Variants in PDE1A observed in about 807,000 individuals in gnomAD.
PDE1A encodes phosphodiesterase 1A.
Under a neutral mutation model 61.7 loss-of-function variants are expected in PDE1A, and 35 were observed. That is an observed-to-expected ratio of 0.57 (90% CI 0.43 to 0.75). PDE1A has a LOEUF of 0.75. PDE1A is among the 30% of genes least tolerant of loss of function. The pLI, the probability that PDE1A is intolerant of heterozygous loss-of-function variation, is 0.00. For missense variants in PDE1A, 597 were observed against 630.6 expected (o/e 0.95, Z 0.57); for synonymous variants, 232 against 213.2 (o/e 1.09, Z -0.77).
intron 1 of PDE1A, among the ~76,000 whole-genome samples, chr2:182,357,158 T>C (rs879677197): frequency 2.7e-5 from 4 of 150,906 alleles, no homozygotes; most frequent in Non-Finnish European, 4.4e-5. Context: ...TGTGCACATA[T>C]ACCCTAAAAC....
At chr2:182,454,023 T>C (rs1053336104) in intron 2 of PDE1A, among the ~76,000 whole-genome samples, 1 of 151,902 alleles carries the variant, frequency 6.6e-6, no homozygotes. Flanking sequence ...AAAACCCCAT[T>C]GTCTCAGCCC....
chr2:182,506,668 GA>G (rs1245132164), intron 2 of PDE1A, among the ~76,000 whole-genome samples: 1 of 152,170 alleles, frequency 6.6e-6, no homozygotes, highest in African/African-American at 2.4e-5. Context: ...TCAGATAACA[GA>G]AGAAATATGT....
At chr2:182,660,566 G>A in the PDE1A span, among the ~76,000 whole-genome samples, 4 of 152,194 alleles carry the variant, frequency 2.6e-5, no homozygotes, top group African/African-American at 9.7e-5. Context: ...TAGTTGTTCT[G>A]ACCTAATCAG....
chr2:182,314,479 AG>A (rs1559328413), intron 1 of PDE1A: 1 of 152,164 alleles, frequency 6.6e-6, no homozygotes, highest in Non-Finnish European at 1.5e-5. Context: ...GCTGATTAGC[AG>A]TAGGATTGCA....
At chr2:182,608,914 C>T in the PDE1A span, among the ~76,000 whole-genome samples, 1 of 152,216 alleles carries the variant, frequency 6.6e-6, no homozygotes, top group Non-Finnish European at 1.5e-5. Context: ...ATTGTAAATA[C>T]CCCAATCAGC....
chr2:182,552,994 G>A, the PDE1A span, among the ~76,000 whole-genome samples: 3 of 152,304 alleles, frequency 2.0e-5, no homozygotes, highest in Admixed American at 6.5e-5. Context: ...CTGATCCAGC[G>A]AGGGGCCCAT....
At chr2:182,377,533 C>T (rs74623406) in intron 1 of PDE1A, among the ~76,000 whole-genome samples, 2,548 of 152,206 alleles carry the variant, frequency 0.017, 41 homozygotes, top group Non-Finnish European at 0.025. Flanking sequence ...CAGACATTGT[C>T]AAGTGTTGAC....
upstream of PDE1A, chr2:182,522,750 G>A (rs577100452): frequency 3.3e-5 from 27 of 816,160 alleles, no homozygotes; most frequent in African/African-American, 4.6e-4. Flanking sequence ...TACAGTTTAC[G>A]AGCTCTATTA....
chr2:182,690,108 G>A, the PDE1A span, among the ~76,000 whole-genome samples: 6 of 152,114 alleles, frequency 3.9e-5, no homozygotes, highest in African/African-American at 1.4e-4. Context: ...GGTATAAGGA[G>A]GAGCTGGTAC....
intron 1 of PDE1A, among the ~76,000 whole-genome samples, chr2:182,316,760 G>A (rs867893294): frequency 3.9e-5 from 6 of 151,992 alleles, no homozygotes; most frequent in South Asian, 4.1e-4. Context: ...CTGAATATAC[G>A]AAAACATTTT....
At chr2:182,218,185 C>T (rs988720239) in intron 7 of PDE1A, among the ~76,000 whole-genome samples, 16 of 148,324 alleles carry the variant, frequency 1.1e-4, no homozygotes, top group African/African-American at 3.2e-4. Flanking sequence ...AACCAAACAC[C>T]GCATATTCTC....
Position 182,230,119 on chromosome 2 carries a change from C to CA in PDE1A, c.561dup (p.Ala188CysfsTer23). 6.2e-7 allele frequency: 1 copy of CA among 1,612,480 alleles called. No individual in the cohort carries two copies. The highest frequency in any genetic ancestry group is 8.5e-7 in the Non-Finnish European group (1 of 1,179,224). On this transcript the variant is annotated frameshift_variant, in exon 6 of 14. Coordinates refer to ENST00000351439, the Ensembl canonical transcript of PDE1A. LOFTEE classifies it high-confidence loss of function. ...CTGTAACCAACTTCTAAAGCTTCTG[C>CA]AAAGGTGATTAGGCAAGAAACAGGA...
At chr2:182,197,641 T>G (rs567157358) in intron 10 of PDE1A, among the ~76,000 whole-genome samples, 6 of 152,038 alleles carry the variant, frequency 3.9e-5, no homozygotes, top group African/African-American at 1.2e-4. Context: ...TTCCATTTCC[T>G]TTTGTGGAAA....
At chr2:182,343,320 AC>A (rs2125052737) in intron 1 of PDE1A, among the ~76,000 whole-genome samples, 1 of 152,360 alleles carries the variant, frequency 6.6e-6, no homozygotes, top group African/African-American at 2.4e-5. Context: ...AATAGTTATC[AC>A]CTTATTCCCT....
At chr2:182,626,071 C>A in the PDE1A span, among the ~76,000 whole-genome samples, 1 of 152,174 alleles carries the variant, frequency 6.6e-6, no homozygotes, top group Admixed American at 6.5e-5. Flanking sequence ...ACCTGCTGCT[C>A]CCTGCTGCCT....
chr2:182,156,379 A>G (rs548422417), intron 13 of PDE1A, among the ~76,000 whole-genome samples: 144 of 151,612 alleles, frequency 9.5e-4, no homozygotes, highest in Non-Finnish European at 1.7e-3. Flanking sequence ...AAGGTCATAC[A>G]CCATCTAAGT....
At chr2:182,510,848 C>T (rs376616391) in intron 2 of PDE1A, among the ~76,000 whole-genome samples, 7 of 151,920 alleles carry the variant, frequency 4.6e-5, no homozygotes, top group East Asian at 1.9e-4. Context: ...TCCAGGGAAA[C>T]ACAAATCCTT....
chr2:182,689,822 T>C, the PDE1A span, among the ~76,000 whole-genome samples: 6 of 151,660 alleles, frequency 4.0e-5, no homozygotes, highest in Non-Finnish European at 5.9e-5. Context: ...ATCAAATAGA[T>C]GCAATAAAAA....
At chr2:182,215,661 T>A (rs943251380) in intron 7 of PDE1A, among the ~76,000 whole-genome samples, 5 of 124,136 alleles carry the variant, frequency 4.0e-5, no homozygotes, top group Non-Finnish European at 8.3e-5. Context: ...AACTAGAAAA[T>A]CTAGAAGAAA....
Sources: gnomAD v4.1 joint callset for allele counts (sites outside exome capture counted in the v4.1 genomes callset) on GRCh38, gnomAD v4.1.1 for gene constraint, MANE v1.5 for transcripts, NCBI Gene and HGNC (gene_info 2026-07-23, HGNC 2026-07-21) for gene names.